MRPS28: variants seen among roughly 807,000 people sequenced by gnomAD.
The protein encoded by MRPS28 is small ribosomal subunit protein bS1m.
MRPS28 carries 7 observed loss-of-function variants against 10.8 expected under a neutral mutation model. The ratio of observed to expected loss-of-function variants is 0.65; its 90% CI spans 0.37 to 1.22. The LOEUF (loss-of-function observed/expected upper bound fraction) is 1.22, where lower values mean the gene tolerates loss of function less well. MRPS28 is among the 50% of genes most tolerant of loss of function. The pLI, the probability that MRPS28 is intolerant of heterozygous loss-of-function variation, is 0.02. For synonymous variants in MRPS28, 121 were observed against 93.3 expected (o/e 1.30, Z -1.71); for missense variants, 265 against 232.9 (o/e 1.14, Z -0.90).
At chr8:79,963,840 G>A (rs1807435123) in intron 2 of MRPS28, among the ~76,000 whole-genome samples, 1 of 152,070 alleles carries the variant, frequency 6.6e-6, no homozygotes, top group African/African-American at 2.4e-5. Flanking sequence ...CGTCCCTGTG[G>A]CCAGCAGTTG....
chr8:79,927,293 C>T (rs777093986), intron 2 of MRPS28, among the ~76,000 whole-genome samples: 2 of 152,188 alleles, frequency 1.3e-5, no homozygotes, highest in East Asian at 1.9e-4. Flanking sequence ...GCACAATGCT[C>T]GAGAACATAA....
intron 2 of MRPS28, among the ~76,000 whole-genome samples, chr8:79,936,619 A>G (rs1806610633): frequency 6.6e-6 from 1 of 152,230 alleles, no homozygotes; most frequent in Admixed American, 6.5e-5. Context: ...GATTGGTTAA[A>G]TAAATTATGA....
At chr8:80,016,819 A>G (rs1033108576) in intron 1 of MRPS28, among the ~76,000 whole-genome samples, 6 of 152,176 alleles carry the variant, frequency 3.9e-5, no homozygotes, top group African/African-American at 1.2e-4. Context: ...AAAACTGACA[A>G]AACTGCAAGG....
chr8:79,986,151 T>C (rs552931348), intron 2 of MRPS28, among the ~76,000 whole-genome samples: 3 of 152,158 alleles, frequency 2.0e-5, no homozygotes, highest in Non-Finnish European at 4.4e-5. Context: ...TAATCCAGCA[T>C]ATAAACAGAA....
intron 2 of MRPS28, among the ~76,000 whole-genome samples, chr8:79,922,545 G>A (rs942120463): frequency 2.0e-5 from 3 of 152,058 alleles, no homozygotes; most frequent in Non-Finnish European, 2.9e-5. Flanking sequence ...ATCCCACAAT[G>A]TATACATACC....
chr8:79,918,919 A>C lies in MRPS28; in HGVS notation c.*61T>G. On this transcript the variant is annotated 3_prime_UTR_variant, in exon 3 of 3. Coordinates refer to ENST00000276585, the MANE Select transcript of MRPS28 (RefSeq NM_014018.3). ...CAATCATTTATTCACAATTAGTCTA[A>C]TTGCATTCTTGATGAATAACTGACT... 1 of 1,262,204 alleles carries C rather than the reference A, an allele frequency of 7.9e-7. No homozygotes were observed. The highest frequency in any genetic ancestry group is 1.1e-6 in the Non-Finnish European group (1 of 949,490). The allele number at this position is 1,262,204 out of a possible 1,614,324, so 78.2% of individuals were successfully genotyped here.
chr8:79,950,961 C>A (rs1293881148), intron 2 of MRPS28, among the ~76,000 whole-genome samples: 1 of 152,164 alleles, frequency 6.6e-6, no homozygotes, highest in Non-Finnish European at 1.5e-5. Flanking sequence ...CTCCCCCCCA[C>A]CTCCATTTCC....
chr8:79,945,199 T>C (rs547159037), intron 2 of MRPS28, among the ~76,000 whole-genome samples: 114 of 152,298 alleles, frequency 7.5e-4, no homozygotes, highest in African/African-American at 2.6e-3. Context: ...CCTTTGGATA[T>C]CTGTTATAAT....
chr8:79,962,146 T>TA lies in MRPS28; in HGVS notation c.395+40852dup, dbSNP rs1017560807. Among the ~76,000 whole-genome samples the TA allele has an allele frequency of 7.1e-4, 105 of 147,498 alleles. 1 individual carries two copies. Among genetic ancestry groups the TA allele is most frequent in the African/African-American group, 2.3e-3 (92 of 40,468 alleles). On this transcript the variant is annotated intron_variant, in intron 2 of 2. Coordinates refer to ENST00000276585, the MANE Select transcript of MRPS28 (RefSeq NM_014018.3). The stretch of plus-strand genomic sequence containing the variant: ...AAACTGCGCTTGTAGTGAGGATGGT[T>TA]AAAAAAAAAAGGAGAAGGGTAACCT...
Position 80,004,335 on chromosome 8 carries a change from C to T in MRPS28, c.214-1155G>A, listed in dbSNP as rs116014175. 6.3e-3 allele frequency among the ~76,000 whole-genome samples: 961 copies of T among 152,304 alleles called. 8 individuals carry two copies. The highest frequency in any genetic ancestry group is 0.022 in the African/African-American group (894 of 41,550). On this transcript the variant is annotated intron_variant, in intron 1 of 2. Coordinates refer to ENST00000276585, the MANE Select transcript of MRPS28 (RefSeq NM_014018.3). Reference sequence around the variant, plus strand: ...GCAACATTTGCTGTTCATCAGTATTCGCTGTTCCGCAGCCTCTGCTGCTGA... The same window carrying T: ...GCAACATTTGCTGTTCATCAGTATTTGCTGTTCCGCAGCCTCTGCTGCTGA...
At chr8:79,955,387 G>A (rs1807179287) in intron 2 of MRPS28, among the ~76,000 whole-genome samples, 1 of 152,104 alleles carries the variant, frequency 6.6e-6, no homozygotes, top group Admixed American at 6.5e-5. Context: ...ACTTCTGCGT[G>A]GATATCTCCT....
At chr8:79,933,701 A>G (rs556355287) in intron 2 of MRPS28, among the ~76,000 whole-genome samples, 1 of 152,202 alleles carries the variant, frequency 6.6e-6, no homozygotes, top group African/African-American at 2.4e-5. Flanking sequence ...ATGTAAAGAA[A>G]TTCTATTAGG....
At chr8:79,994,861 C>A (rs1046314469) in intron 2 of MRPS28, among the ~76,000 whole-genome samples, 1 of 152,140 alleles carries the variant, frequency 6.6e-6, no homozygotes, top group Non-Finnish European at 1.5e-5. Flanking sequence ...CTTAAGCCAA[C>A]TAAACCACTT....
chr8:79,986,804 T>C (rs1316691833), intron 2 of MRPS28, among the ~76,000 whole-genome samples: 6 of 152,224 alleles, frequency 3.9e-5, no homozygotes, highest in Admixed American at 1.3e-4. Flanking sequence ...GAACATTCCA[T>C]GCTCATGGGT....
Position 79,919,114 on chromosome 8 carries a change from G to C in MRPS28, c.430C>G (p.Leu144Val). The change falls in exon 3 of 3, where the codon CTA becomes GTA. Residue 144 changes from leucine to valine, a missense_variant. Physicochemically the swap from Leu to Val is conservative, Grantham distance 32. Coordinates refer to ENST00000276585, the MANE Select transcript of MRPS28 (RefSeq NM_014018.3). ...YQKGTRVRLR[L>V]LDLELTSRFL... ...CTAGACGTAAGTTCAAGATCTAATA[G>C]CCGCAACCGGACCCTGGTTCCTTTC... is the stretch of plus-strand genomic sequence containing the variant. 3 of 1,603,074 alleles carry C rather than the reference G, an allele frequency of 1.9e-6. No homozygotes were observed. The highest frequency in any genetic ancestry group is 2.6e-6 in the Non-Finnish European group (3 of 1,175,888).
intron 2 of MRPS28, among the ~76,000 whole-genome samples, chr8:79,994,397 G>C (rs1377069023): frequency 6.6e-6 from 1 of 152,002 alleles, no homozygotes; most frequent in Non-Finnish European, 1.5e-5. Context: ...TGTTTTTAAA[G>C]CAGGCAATAA....
chr8:80,000,804 T>C (rs1364157077), intron 2 of MRPS28, among the ~76,000 whole-genome samples: 2 of 152,150 alleles, frequency 1.3e-5, no homozygotes, highest in African/African-American at 2.4e-5. Flanking sequence ...GGTGGGAGGA[T>C]TGCTTGAGCC....
At chr8:79,999,433 T>C (rs11989508) in intron 2 of MRPS28, among the ~76,000 whole-genome samples, 119,013 of 152,168 alleles carry the variant, frequency 0.78, 47,288 homozygotes, top group African/African-American at 0.92. Context: ...ATAGTAATTA[T>C]GCTGACCTGA....
chr8:79,981,803 T>G (rs1009004169), intron 2 of MRPS28, among the ~76,000 whole-genome samples: 1 of 152,234 alleles, frequency 6.6e-6, no homozygotes, highest in Admixed American at 6.5e-5. Flanking sequence ...GTTTGCTTAA[T>G]AAATTCAAAA....
Sources: gnomAD v4.1 joint callset for allele counts (sites outside exome capture counted in the v4.1 genomes callset) on GRCh38, gnomAD v4.1.1 for gene constraint, MANE v1.5 for transcripts, NCBI Gene and HGNC (gene_info 2026-07-23, HGNC 2026-07-21) for gene names.